B4GALNT2: variants seen among roughly 807,000 people sequenced by gnomAD.
B4GALNT2 encodes the protein N-acetylneuraminylgalactosylglucosyl-glucoside beta-1,4-N- acetylgalactosaminyltransferase 2.
Under a neutral mutation model 51.1 loss-of-function variants are expected in B4GALNT2, and 42 were observed. That is an observed-to-expected ratio of 0.82 (90% confidence interval 0.64 to 1.06). B4GALNT2 has a LOEUF of 1.06. Ranked by LOEUF, B4GALNT2 falls within the 50% of genes least tolerant of loss-of-function variation. The pLI, the probability that B4GALNT2 is intolerant of heterozygous loss-of-function variation, is 0.00. For synonymous variants in B4GALNT2, 253 were observed against 251.7 expected (o/e 1.01, Z -0.05); for missense variants, 602 against 633.6 (o/e 0.95, Z 0.54).
chr17:49,137,420 C>T (rs908368552), intron 1 of B4GALNT2, among the ~76,000 whole-genome samples: 2 of 152,254 alleles, frequency 1.3e-5, no homozygotes, highest in African/African-American at 4.8e-5. Flanking sequence ...TGCTGTGTCT[C>T]TCACATGCAC....
chr17:49,120,464 T>TTGTG, the B4GALNT2 span, among the ~76,000 whole-genome samples: 10 of 142,252 alleles, frequency 7.0e-5, no homozygotes, highest in East Asian at 2.0e-4. Context: ...GAGGAGTCTT[T>TTGTG]TGTGTGTGTG....
intron 1 of B4GALNT2, among the ~76,000 whole-genome samples, chr17:49,136,082 CAA>C (rs60290551): frequency 3.9e-4 from 46 of 119,432 alleles, no homozygotes; most frequent in Admixed American, 3.4e-4. Flanking sequence ...GACTCTGGAT[CAA>C]AAAAAAAAAA....
chr17:49,167,565 C>T (rs373768538), intron 9 of B4GALNT2, among the ~76,000 whole-genome samples: 80 of 150,946 alleles, frequency 5.3e-4, no homozygotes, highest in African/African-American at 1.8e-3. Flanking sequence ...ACCTGCATAA[C>T]GAACATTGTA....
chr17:49,160,118 A>T (rs2042849358), intron 6 of B4GALNT2, among the ~76,000 whole-genome samples: 1 of 152,244 alleles, frequency 6.6e-6, no homozygotes, highest in Non-Finnish European at 1.5e-5. Context: ...ACACGGTTAC[A>T]GATGATATTC....
intron 1 of B4GALNT2, among the ~76,000 whole-genome samples, chr17:49,135,325 A>G (rs1239580198): frequency 6.6e-6 from 1 of 150,578 alleles, no homozygotes. Context: ...TTTGCTCTTT[A>G]GTAGTAATAT....
chr17:49,136,429 C>T (rs924494877), intron 1 of B4GALNT2, among the ~76,000 whole-genome samples: 5 of 151,448 alleles, frequency 3.3e-5, no homozygotes, highest in East Asian at 1.9e-4. Flanking sequence ...TTTTTAAGGG[C>T]GCAGATTTTA....
At chr17:49,130,650 T>G (rs1197076632), upstream of B4GALNT2, among the ~76,000 whole-genome samples, 1 of 107,418 alleles carries the variant, frequency 9.3e-6, no homozygotes, top group African/African-American at 3.4e-5. Context: ...AAGAAAAAAA[T>G]GTCTAGTTGT....
In B4GALNT2 at chr17:49,171,781, C is replaced by T. The variant is rs7207521; in HGVS notation, c.*2053C>T. 4,081 of 420,856 alleles carry T rather than the reference C, an allele frequency of 9.7e-3. 165 individuals are homozygous for T. The highest frequency in any genetic ancestry group is 0.079 in the African/African-American group (3,789 of 47,678). The allele number at this position is 420,856 out of a possible 1,614,324, so 26.1% of individuals were successfully genotyped here. ...TAGGAATCGTTGTGCAGCACCTCTA[C>T]CTGTTCTGCAATGCAATCTTCCCAA... is the stretch of plus-strand genomic sequence containing the variant. On this transcript the variant is annotated 3_prime_UTR_variant, in exon 11 of 11. Transcript: ENST00000393354.
At chr17:49,125,860 C>T in the B4GALNT2 span, among the ~76,000 whole-genome samples, 1 of 113,160 alleles carries the variant, frequency 8.8e-6, no homozygotes, top group African/African-American at 3.2e-5. Context: ...CCAGCCACCC[C>T]GTCCGGGAGG....
At chr17:49,126,782 C>T in the B4GALNT2 span, among the ~76,000 whole-genome samples, 1 of 151,870 alleles carries the variant, frequency 6.6e-6, no homozygotes, top group African/African-American at 2.4e-5. Context: ...CTGCAGTCTC[C>T]ACCTCCTGGG....
upstream of B4GALNT2, among the ~76,000 whole-genome samples, chr17:49,130,545 G>A (rs1328959509): frequency 6.6e-6 from 1 of 152,172 alleles, no homozygotes; most frequent in Non-Finnish European, 1.5e-5. Flanking sequence ...GGCAGGGGCA[G>A]GAGAATTGCT....
chr17:49,127,763 A>G (rs1388105631), upstream of B4GALNT2, among the ~76,000 whole-genome samples: 1 of 152,254 alleles, frequency 6.6e-6, no homozygotes, highest in Non-Finnish European at 1.5e-5. Flanking sequence ...GATTTTGAGA[A>G]GCACTTATTC....
chr17:49,161,172 G>A (rs1307832381), intron 7 of B4GALNT2, among the ~76,000 whole-genome samples: 2 of 151,960 alleles, frequency 1.3e-5, no homozygotes, highest in East Asian at 1.9e-4. Flanking sequence ...CTACTCTGGA[G>A]GCTGAGGCAG....
Position 49,154,343 on chromosome 17 carries a change from C to T in B4GALNT2, c.460+1437C>T, listed in dbSNP as rs186372123. The stretch of plus-strand genomic sequence containing the variant: ...AGAATATTTATGTTGGTTAAAACTG[C>T]CCTCCATGATGGATTTTTACACACC... On this transcript the variant is annotated intron_variant, in intron 4 of 10. Coordinates refer to ENST00000393354, the MANE Select transcript of B4GALNT2 (RefSeq NM_001159387.2). Among the ~76,000 whole-genome samples, 4 of 152,170 alleles carry T rather than the reference C, an allele frequency of 2.6e-5. No homozygotes were observed. In the East Asian group the frequency reaches 7.7e-4, roughly 29 times the overall value.
At position 49,174,054 on chromosome 17, in the gene B4GALNT2, C is replaced by T. The variant is rs2042973709; in HGVS notation, c.*4326C>T. 6.6e-6 allele frequency: 1 copy of T among 152,030 alleles called. No individual in the cohort carries two copies. Among genetic ancestry groups the T allele is most frequent in the East Asian group, 1.9e-4 (1 of 5,202 alleles). The allele number at this position is 152,030 out of a possible 1,614,324, so 9.4% of individuals were successfully genotyped here. ...AGTCATTTAATGTTTTCAGTTGATC[C>T]CTACATATGGTTACTTTCTGTGGCA... On this transcript the variant is annotated 3_prime_UTR_variant, in exon 11 of 11. Coordinates refer to ENST00000393354, the MANE Select transcript of B4GALNT2 (RefSeq NM_001159387.2).
upstream of B4GALNT2, chr17:49,132,552 G>T: frequency 2.4e-6 from 1 of 410,924 alleles, no homozygotes; most frequent in Admixed American, 4.4e-5. Flanking sequence ...CGCGGGGATT[G>T]TGTTTTTCTT....
At chr17:49,164,821 T>C (rs2042896837) in intron 8 of B4GALNT2, among the ~76,000 whole-genome samples, 1 of 151,530 alleles carries the variant, frequency 6.6e-6, no homozygotes, top group Admixed American at 6.6e-5. Flanking sequence ...TATTTTTCAT[T>C]TTTTTTGAGA....
chr17:49,121,004 G>C, the B4GALNT2 span, among the ~76,000 whole-genome samples: 906 of 152,178 alleles, frequency 6.0e-3, 4 homozygotes, highest in African/African-American at 0.021. Flanking sequence ...GACAAGCCTG[G>C]ATATTTTGTT....
Position 49,152,845 on chromosome 17 carries a change from C to T in B4GALNT2, c.399C>T (p.Leu133=). The change falls in exon 4 of 11, where the codon CTC becomes CTT. Residue 133 remains leucine (L), a synonymous_variant. Transcript: ENST00000393354. The stretch of plus-strand genomic sequence containing the variant: ...TGCCCCTGCTGGTCCAGCCCAACCT[C>T]CCCTTTGGGTACCCAGTCCACGGAG... ...RPLPLLVQPN[L]PFGYPVHGVE... 1 of 1,611,176 alleles carries T rather than the reference C, an allele frequency of 6.2e-7. No homozygotes were observed. Among genetic ancestry groups the T allele is most frequent in the Admixed American group, 1.7e-5 (1 of 59,830 alleles).
Sources: gnomAD v4.1 joint callset for allele counts (sites outside exome capture counted in the v4.1 genomes callset) on GRCh38, gnomAD v4.1.1 for gene constraint, MANE v1.5 for transcripts, NCBI Gene and HGNC (gene_info 2026-07-23, HGNC 2026-07-21) for gene names.